Variants in HUWE1 observed in about 807,000 individuals in gnomAD.
HUWE1 encodes the protein E3 ubiquitin-protein ligase HUWE1.
In HUWE1, 18 loss-of-function variants were observed where a neutral mutation model predicts 299.4. The ratio of observed to expected loss-of-function variants is 0.06; its 90% CI spans 0.04 to 0.09. The LOEUF (loss-of-function observed/expected upper bound fraction) is 0.09. HUWE1 is among the 10% of genes least tolerant of loss of function. The pLI, the probability that HUWE1 is intolerant of heterozygous loss-of-function variation, is 1.00. For missense variants in HUWE1, 1,832 were observed against 3,462.3 expected (o/e 0.53, Z 11.82); for synonymous variants, 1,317 against 1,286.1 (o/e 1.02, Z -0.51).
At chrX:53,624,011 C>G (rs782405002) in intron 19 of HUWE1, among the ~76,000 whole-genome samples, 58 of 112,605 alleles carry the variant, frequency 5.2e-4, no homozygotes, top group African/African-American at 1.8e-3. Context: ...TACTACTTAT[C>G]GAAGGTATAT....
Sources: allele counts gnomAD v4.1 joint callset (sites outside exome capture counted in the v4.1 genomes callset), GRCh38; gene constraint gnomAD v4.1.1; transcripts MANE v1.5; gene names NCBI Gene and HGNC (gene_info 2026-07-23, HGNC 2026-07-21).